The following SSBP2 variants were observed in gnomAD, a reference collection of about 807,000 sequenced individuals.
The protein encoded by SSBP2 is single-stranded DNA-binding protein 2.
SSBP2 carries 17 observed loss-of-function variants against 61.8 expected under a neutral mutation model. The observed-to-expected ratio is 0.28, with a 90% CI of 0.19 to 0.41. SSBP2 has a LOEUF of 0.41. SSBP2 is among the 10% of genes least tolerant of loss of function. SSBP2 has a pLI of 1.00. For missense variants in SSBP2, 310 were observed against 458.7 expected, an observed-to-expected ratio of 0.68 and a Z score of 2.96; for synonymous variants, 139 against 141.3, an observed-to-expected ratio of 0.98 and a Z score of 0.12.
At chr5:81,643,600 T>C (rs910568243) in intron 2 of SSBP2, among the ~76,000 whole-genome samples, 1,497 of 133,456 alleles carry the variant, frequency 0.011, 7 homozygotes, top group Non-Finnish European at 0.017. Flanking sequence ...CCTTTCTTTT[T>C]TTTTTTTTTT....
intron 1 of SSBP2, among the ~76,000 whole-genome samples, chr5:81,662,324 GGGCATGGT>G (rs1750760454): frequency 6.6e-6 from 1 of 151,894 alleles, no homozygotes. Flanking sequence ...AAAATTAGCC[GGGCATGGT>G]GGCAGACGCC....
At chr5:81,561,972 T>C (rs1223635995) in intron 4 of SSBP2, among the ~76,000 whole-genome samples, 2 of 152,188 alleles carry the variant, frequency 1.3e-5, no homozygotes, top group Non-Finnish European at 2.9e-5. Context: ...TGGCACAATC[T>C]TGGCTCACTG....
rs1377385038 is a variant in SSBP2, at chr5:81,455,200, G to A, written c.687+5855C>T. On this transcript the variant is annotated intron_variant, in intron 10 of 16. Coordinates refer to ENST00000320672, the MANE Select transcript of SSBP2 (RefSeq NM_012446.5). ...AAAAACAAAGCCCCCAAACCTCATT[G>A]CCTACCTTTACACCTGCTTCTTTTC... is the stretch of plus-strand genomic sequence containing the variant. Among the ~76,000 whole-genome samples, 4 of 151,832 alleles carry A rather than the reference G, an allele frequency of 2.6e-5. No individual in the cohort carries two copies. The East Asian group carries it at 7.7e-4, about 29-fold the overall frequency.
At chr5:81,636,711 A>ATTTTAAATGGGG (rs1748273805) in intron 2 of SSBP2, 93 bp from the exon 3 acceptor site, 2 of 956,662 alleles carry the variant, frequency 2.1e-6, no homozygotes, top group Admixed American at 2.5e-5. Context: ...ATACTATAGT[A>ATTTTAAATGGGG]ATATTTGAAT....
chr5:81,486,890 A>G (rs1388649401), intron 6 of SSBP2, among the ~76,000 whole-genome samples: 8 of 152,178 alleles, frequency 5.3e-5, no homozygotes, highest in Non-Finnish European at 8.8e-5. Context: ...TCCTACTCAA[A>G]GTTCTCCCCT....
chr5:81,429,524 T>C (rs1448784884), intron 15 of SSBP2, among the ~76,000 whole-genome samples: 1 of 152,220 alleles, frequency 6.6e-6, no homozygotes, highest in Non-Finnish European at 1.5e-5. Flanking sequence ...ACCATGTTTA[T>C]ACAGTAGTAT....
intron 1 of SSBP2, among the ~76,000 whole-genome samples, chr5:81,688,266 C>A (rs993707412): frequency 1.3e-5 from 2 of 152,316 alleles, no homozygotes; most frequent in Admixed American, 1.3e-4. Context: ...GAATAGAATA[C>A]CAAGTAGATT....
intron 1 of SSBP2, among the ~76,000 whole-genome samples, chr5:81,686,677 A>G (rs1178408405): frequency 2.0e-5 from 3 of 151,892 alleles, no homozygotes; most frequent in African/African-American, 4.8e-5. Context: ...CAGTATGGTG[A>G]AACCCCGTCT....
At chr5:81,746,072 T>G (rs906357685) in intron 1 of SSBP2, among the ~76,000 whole-genome samples, 3 of 152,132 alleles carry the variant, frequency 2.0e-5, no homozygotes, top group African/African-American at 7.2e-5. Context: ...AACTTTCAAC[T>G]TTTTTCTCTC....
intron 1 of SSBP2, among the ~76,000 whole-genome samples, chr5:81,747,781 C>T (rs959719535): frequency 6.6e-6 from 1 of 152,130 alleles, no homozygotes; most frequent in Non-Finnish European, 1.5e-5. Context: ...GAAAGTTAAA[C>T]ATTAAACAGC....
chr5:81,544,152 A>C lies in SSBP2; in HGVS notation c.283-30435T>G, dbSNP rs370772061. Among the ~76,000 whole-genome samples, 115 of 151,954 alleles carry C rather than the reference A, an allele frequency of 7.6e-4. No individual in the cohort carries two copies. The East Asian group carries it at 0.013, about 17-fold the overall frequency. ...GCAAGCTCCGCCTCCCGGGTTCACG[A>C]CATTCTCCTGCCTCAGCCTCCTGAG... On this transcript the variant is annotated intron_variant, in intron 4 of 16. Transcript: ENST00000320672.
At chr5:81,552,648 A>G (rs1581003349) in intron 4 of SSBP2, among the ~76,000 whole-genome samples, 1 of 151,738 alleles carries the variant, frequency 6.6e-6, no homozygotes, top group African/African-American at 2.4e-5. Flanking sequence ...TTAAAAAAAA[A>G]AAAGAAAAAA....
At chr5:81,619,657 G>T (rs1404263085) in intron 3 of SSBP2, among the ~76,000 whole-genome samples, 1 of 108,406 alleles carries the variant, frequency 9.2e-6, no homozygotes, top group Non-Finnish European at 1.8e-5. Flanking sequence ...CCAAAAAAGA[G>T]AATTTTAGAC....
intron 6 of SSBP2, among the ~76,000 whole-genome samples, chr5:81,480,743 T>C (rs745766943): frequency 6.6e-6 from 1 of 152,226 alleles, no homozygotes; most frequent in Admixed American, 6.5e-5. Context: ...ACAATGTTTA[T>C]TGCATCGATG....
intron 2 of SSBP2, among the ~76,000 whole-genome samples, chr5:81,649,954 T>C (rs758770413): frequency 1.9e-4 from 29 of 152,080 alleles, no homozygotes; most frequent in Non-Finnish European, 3.2e-4. Flanking sequence ...TGGTTGAGGG[T>C]TTATAACTCT....
intron 3 of SSBP2, among the ~76,000 whole-genome samples, chr5:81,624,951 C>G (rs1273315200): frequency 6.6e-6 from 1 of 152,076 alleles, no homozygotes; most frequent in African/African-American, 2.4e-5. Flanking sequence ...ATCCATGGCA[C>G]AAATGTGACT....
At chr5:81,709,661 A>T (rs887540164) in intron 1 of SSBP2, among the ~76,000 whole-genome samples, 8 of 151,940 alleles carry the variant, frequency 5.3e-5, no homozygotes, top group Admixed American at 1.3e-4. Context: ...GAAAGGAAAA[A>T]ACAGTGATCT....
At chr5:81,722,526 T>C (rs1229869673) in intron 1 of SSBP2, among the ~76,000 whole-genome samples, 1 of 151,872 alleles carries the variant, frequency 6.6e-6, no homozygotes, top group Non-Finnish European at 1.5e-5. Context: ...AAGAATGGCA[T>C]GCCCTGCTAA....
At chr5:81,630,767 A>G (rs1197080098) in intron 3 of SSBP2, among the ~76,000 whole-genome samples, 2 of 152,018 alleles carry the variant, frequency 1.3e-5, no homozygotes, top group Non-Finnish European at 2.9e-5. Flanking sequence ...GTTAAAAAAA[A>G]AAAAAAAGCT....
Sources: gnomAD v4.1 joint callset for allele counts (sites outside exome capture counted in the v4.1 genomes callset) on GRCh38, gnomAD v4.1.1 for gene constraint, MANE v1.5 for transcripts, NCBI Gene and HGNC (gene_info 2026-07-23, HGNC 2026-07-21) for gene names.